Variants in MICOS10 observed in about 807,000 individuals in gnomAD.
MICOS10 encodes the protein MICOS complex subunit MIC10.
MICOS10 carries 5 observed loss-of-function variants against 13.4 expected under a neutral mutation model. The observed-to-expected ratio is 0.37, with a 90% CI of 0.20 to 0.78. The LOEUF is 0.78. MICOS10 is among the 30% of genes least tolerant of loss of function. The pLI is 0.47. For missense variants in MICOS10, 101 were observed against 94.6 expected (o/e 1.07, Z -0.28); for synonymous variants, 35 against 33.6 (o/e 1.04, Z -0.15).
intron 1 of MICOS10, chr1:19,608,171 C>T: frequency 2.3e-6 from 3 of 1,306,128 alleles, no homozygotes; most frequent in Non-Finnish European, 3.3e-6. Context: ...CCTCGGACCT[C>T]AGGTGGCTGA....
intron 1 of MICOS10, among the ~76,000 whole-genome samples, chr1:19,602,292 A>G (rs192106130): frequency 6.6e-6 from 1 of 152,332 alleles, no homozygotes; most frequent in Admixed American, 6.5e-5. Flanking sequence ...TATTAACTGA[A>G]TGAATTAGTA....
At chr1:19,624,979 A>G (rs2094917023) in intron 3 of MICOS10, among the ~76,000 whole-genome samples, 2 of 152,204 alleles carry the variant, frequency 1.3e-5, no homozygotes, top group Non-Finnish European at 2.9e-5. Flanking sequence ...CTCTTGGGCT[A>G]GAATCACTGT....
intron 2 of MICOS10, 106 bp from the exon 3 acceptor site, chr1:19,623,368 C>A: frequency 1.4e-6 from 1 of 692,534 alleles, no homozygotes; most frequent in South Asian, 1.8e-5. Context: ...TAGTATGATG[C>A]ACGTTGAATA....
chr1:19,622,186 G>A, intron 2 of MICOS10, 39 bp downstream of exon 2: 2 of 1,534,272 alleles, frequency 1.3e-6, no homozygotes, highest in South Asian at 1.1e-5. Flanking sequence ...ATGTCATAGT[G>A]TATACATATA....
chr1:19,613,976 T>C (rs2094873705), intron 1 of MICOS10, among the ~76,000 whole-genome samples: 1 of 152,162 alleles, frequency 6.6e-6, no homozygotes, highest in Admixed American at 6.5e-5. Context: ...ATGAGAAAAT[T>C]TAATCCTTGA....
intron 1 of MICOS10, among the ~76,000 whole-genome samples, chr1:19,610,559 C>T (rs894255252): frequency 2.0e-5 from 3 of 151,068 alleles, no homozygotes; most frequent in African/African-American, 7.3e-5. Flanking sequence ...TTGATCTTAA[C>T]GGATACTGAG....
chr1:19,610,460 C>T (rs1222863008), intron 1 of MICOS10, among the ~76,000 whole-genome samples: 3 of 137,844 alleles, frequency 2.2e-5, no homozygotes, highest in African/African-American at 7.9e-5. Flanking sequence ...CTCACTGCAT[C>T]TTCTGCCTCC....
At position 19,626,868 on chromosome 1, in the gene MICOS10, G is replaced by A. The variant is rs1267860049; in HGVS notation, c.*467G>A. ...CTGATGGAGATGACTGATGTCTTAA[G>A]GCGCCTTTCCTTCTGTGGCACCTCT... On this transcript the variant is annotated 3_prime_UTR_variant, in exon 4 of 4. Coordinates refer to ENST00000322753, the MANE Select transcript of MICOS10 (RefSeq NM_001032363.4). 1 of 171,024 alleles carries A rather than the reference G, an allele frequency of 5.8e-6. No homozygotes were observed. The highest frequency in any genetic ancestry group is 2.4e-5 in the African/African-American group (1 of 42,328). The allele number at this position is 171,024 out of a possible 1,614,324, so 10.6% of individuals were successfully genotyped here. A position where few individuals can be genotyped will look rare whatever the true frequency, so the allele number is the denominator to read the frequency against.
At chr1:19,616,265 A>G (rs966140475) in intron 1 of MICOS10, among the ~76,000 whole-genome samples, 2 of 152,186 alleles carry the variant, frequency 1.3e-5, no homozygotes, top group Admixed American at 6.6e-5. Flanking sequence ...CAGCAACACA[A>G]TAGCTATAAT....
At chr1:19,608,651 A>C in intron 1 of MICOS10, 1 of 650,336 alleles carries the variant, frequency 1.5e-6, no homozygotes, top group Non-Finnish European at 2.7e-6. Context: ...GTAAGAGAAA[A>C]TCCTTTGTGA....
chr1:19,615,570 C>T (rs182008198), intron 1 of MICOS10, among the ~76,000 whole-genome samples: 2 of 152,218 alleles, frequency 1.3e-5, no homozygotes, highest in African/African-American at 4.8e-5. Context: ...CATTGTACAA[C>T]ACTTTCCTTT....
chr1:19,611,046 G>A (rs1218478964), intron 1 of MICOS10, among the ~76,000 whole-genome samples: 1 of 151,884 alleles, frequency 6.6e-6, no homozygotes, highest in African/African-American at 2.4e-5. Context: ...CCACCTCCCG[G>A]GTTCAAGCAA....
chr1:19,619,887 A>G (rs1464698910), intron 1 of MICOS10, among the ~76,000 whole-genome samples: 1 of 152,054 alleles, frequency 6.6e-6, no homozygotes. Context: ...TATGCTCCCC[A>G]CCCCCTACCA....
intron 1 of MICOS10, among the ~76,000 whole-genome samples, chr1:19,605,732 G>A (rs1200734918): frequency 5.9e-5 from 9 of 152,062 alleles, no homozygotes. Flanking sequence ...ACACATTTTT[G>A]TTTTGTTTTG....
intron 1 of MICOS10, among the ~76,000 whole-genome samples, chr1:19,600,006 C>T (rs2094807753): frequency 6.6e-6 from 1 of 151,756 alleles, no homozygotes; most frequent in Admixed American, 6.6e-5. Flanking sequence ...GGTCAGTCAG[C>T]GGGCAAATAG....
intron 3 of MICOS10, 77 bp downstream of exon 3, chr1:19,623,660 G>C: frequency 4.0e-6 from 4 of 1,010,348 alleles, no homozygotes; most frequent in Non-Finnish European, 6.1e-6. Flanking sequence ...TCTTTAGACT[G>C]TTTGTAATGA....
chr1:19,616,157 C>A (rs1182912924), intron 1 of MICOS10, among the ~76,000 whole-genome samples: 1 of 152,132 alleles, frequency 6.6e-6, no homozygotes, highest in East Asian at 1.9e-4. Context: ...CTCAGGTGAT[C>A]CGCCTGCCTC....
chr1:19,612,395 T>C (rs1189320874), intron 1 of MICOS10, among the ~76,000 whole-genome samples: 3 of 151,494 alleles, frequency 2.0e-5, no homozygotes, highest in Admixed American at 6.6e-5. Context: ...TTGGAGAGGT[T>C]TTTTATGGGG....
In MICOS10 at chr1:19,620,788, C is replaced by T. The variant is rs186228664; in HGVS notation, c.65-1312C>T. On this transcript the variant is annotated intron_variant, in intron 1 of 3. Coordinates refer to ENST00000322753, the MANE Select transcript of MICOS10 (RefSeq NM_001032363.4). ...TGAGTGGTACGGTTAGCAATGGAGT[C>T]GGCATCATTCTTGGTCTACTGCTAG... 3.4e-3 allele frequency among the ~76,000 whole-genome samples: 511 copies of T among 152,246 alleles called. 1 individual carries two copies. The highest frequency in any genetic ancestry group is 5.5e-3 in the Non-Finnish European group (371 of 68,014).
Sources: gnomAD v4.1 joint callset for allele counts (sites outside exome capture counted in the v4.1 genomes callset) on GRCh38, gnomAD v4.1.1 for gene constraint, MANE v1.5 for transcripts, NCBI Gene and HGNC (gene_info 2026-07-23, HGNC 2026-07-21) for gene names.